The following NCKAP5 variants were observed in gnomAD, a reference collection of about 807,000 sequenced individuals.
NCKAP5 encodes nck-associated protein 5.
A neutral mutation model predicts 167.0 loss-of-function variants in NCKAP5; 92 were observed. The observed-to-expected ratio is 0.55, with a 90% CI of 0.47 to 0.66. The LOEUF (loss-of-function observed/expected upper bound fraction) is 0.66, where lower values mean the gene tolerates loss of function less well. Among genes scored for constraint, NCKAP5 ranks in the 30% least tolerant of loss-of-function variants. NCKAP5 has a pLI of 0.00. For missense variants in NCKAP5, 2,378 were observed against 2,315.0 expected (o/e 1.03, Z -0.56); for synonymous variants, 891 against 877.4 (o/e 1.02, Z -0.27).
chr2:133,464,254 G>T (rs1003011323), intron 3 of NCKAP5, among the ~76,000 whole-genome samples: 2 of 152,114 alleles, frequency 1.3e-5, no homozygotes, highest in Non-Finnish European at 2.9e-5. Flanking sequence ...ATTAAATCAA[G>T]AACTTTTACC....
chr2:133,011,007 A>G (rs2078139742), intron 6 of NCKAP5, among the ~76,000 whole-genome samples: 1 of 152,220 alleles, frequency 6.6e-6, no homozygotes. Context: ...GTATAAAATA[A>G]AAAATAAGGA....
Position 133,362,446 on chromosome 2 carries a change from A to G in NCKAP5, c.70-59336T>C, listed in dbSNP as rs116815694. 7.2e-3 allele frequency among the ~76,000 whole-genome samples: 1,089 copies of G among 152,286 alleles called. 15 individuals are homozygous for G. Among genetic ancestry groups the G allele is most frequent in the African/African-American group, 0.023 (954 of 41,546 alleles). On this transcript the variant is annotated intron_variant, in intron 3 of 19. Transcript: ENST00000409261. ...GAGGGGCCCCATATTAAGAACAGAA[A>G]AATGTGTTTGTTTGTTTTTAGAACA...
rs141885107 is a variant in NCKAP5 at position 133,419,976 on chromosome 2, A to T, written c.69+97482T>A. Among the ~76,000 whole-genome samples the T allele has an allele frequency of 4.3e-3, 651 of 152,318 alleles. 4 individuals are homozygous for T. Among genetic ancestry groups the T allele is most frequent in the Middle Eastern group, 0.017 (5 of 294 alleles). On this transcript the variant is annotated intron_variant, in intron 3 of 19. Transcript: ENST00000409261. ...AACATTGCTGAAGACCCACTTTTGT[A>T]TTCCAGTATTCTGAAGGAAAGTGAT...
chr2:132,783,133 T>C lies in NCKAP5; in HGVS notation c.3678A>G (p.Glu1226=). ...QGSLADGLPL[E]TALQEPLESS... ...TTTCCAATGGCTCTTGTAGTGCTGT[T>C]TCCAGGGGAAGCCCATCAGCTAAAC... The change falls in exon 14 of 20, where the codon GAA becomes GAG. Residue 1226 remains glutamate, a synonymous_variant. Transcript: ENST00000409261. The C allele has an allele frequency of 6.2e-7, 1 of 1,613,652 alleles. No individual in the cohort carries two copies. Among genetic ancestry groups the C allele is most frequent in the Non-Finnish European group, 8.5e-7 (1 of 1,179,758 alleles).
intron 3 of NCKAP5, among the ~76,000 whole-genome samples, chr2:133,421,792 T>C (rs1211895951): frequency 6.6e-6 from 1 of 152,216 alleles, no homozygotes; most frequent in Non-Finnish European, 1.5e-5. Context: ...TTCCTCTTTC[T>C]GAACAGGGCC....
chr2:133,357,149 A>G (rs921564004), intron 3 of NCKAP5, among the ~76,000 whole-genome samples: 12 of 152,206 alleles, frequency 7.9e-5, no homozygotes, highest in African/African-American at 2.9e-4. Context: ...GTGGGCCCTC[A>G]AAAATATTTG....
intron 3 of NCKAP5, among the ~76,000 whole-genome samples, chr2:133,319,363 T>TCG: frequency 6.6e-6 from 1 of 152,194 alleles, no homozygotes; most frequent in East Asian, 1.9e-4. Flanking sequence ...TGCCCTGCTG[T>TCG]GAAGCCTATG....
intron 4 of NCKAP5, among the ~76,000 whole-genome samples, chr2:133,229,797 C>T (rs898994220): frequency 1.3e-5 from 2 of 151,926 alleles, no homozygotes; most frequent in African/African-American, 2.4e-5. Flanking sequence ...TTCAGTAATC[C>T]GGACACACAC....
rs776162189 is a variant in NCKAP5, at chr2:132,731,803, C to T, written c.5377G>A (p.Asp1793Asn). 8.1e-6 allele frequency: 13 copies of T among 1,613,722 alleles called. No homozygotes were observed. The highest frequency in any genetic ancestry group is 7.7e-5 in the South Asian group (7 of 91,060). The change falls in exon 17 of 20, where the codon GAC (aspartate) becomes AAC (asparagine). Residue 1793 changes from aspartate (D) to asparagine (N), a missense_variant. Transcript: ENST00000409261. ...ATCCCTCTGGCGGTCATGATGGGGT[C>T]GGATGTGGAATGAACAATGGCGCTA... ...ADSAIVHSTS[D>N]PIMTARGMRP...
chr2:132,939,827 CT>C (rs1301665474), intron 8 of NCKAP5, among the ~76,000 whole-genome samples: 4 of 152,162 alleles, frequency 2.6e-5, no homozygotes, highest in Admixed American at 2.6e-4. Context: ...TGGTGAAATC[CT>C]GTCTCTACTA....
intron 3 of NCKAP5, among the ~76,000 whole-genome samples, chr2:133,360,128 C>T (rs1025216098): frequency 2.0e-5 from 3 of 152,116 alleles, no homozygotes; most frequent in African/African-American, 7.2e-5. Context: ...TCTCCTTTAG[C>T]CCCCAGGTCA....
chr2:133,224,822 T>A (rs2086810360), intron 4 of NCKAP5, among the ~76,000 whole-genome samples: 1 of 152,198 alleles, frequency 6.6e-6, no homozygotes, highest in African/African-American at 2.4e-5. Flanking sequence ...TAATCTTAAC[T>A]CTTGCAATTA....
At chr2:133,387,674 G>A (rs1037677116) in intron 3 of NCKAP5, among the ~76,000 whole-genome samples, 1 of 152,298 alleles carries the variant, frequency 6.6e-6, no homozygotes, top group South Asian at 2.1e-4. Context: ...TCACTTTCAG[G>A]TATACCAGTC....
At chr2:133,092,327 A>G (rs1396617690) in intron 6 of NCKAP5, among the ~76,000 whole-genome samples, 1 of 152,216 alleles carries the variant, frequency 6.6e-6, no homozygotes, top group Non-Finnish European at 1.5e-5. Context: ...AAACCAAGGC[A>G]GAAGTTGGAG....
At chr2:133,585,626 TA>T in the NCKAP5 span, among the ~76,000 whole-genome samples, 1 of 152,262 alleles carries the variant, frequency 6.6e-6, no homozygotes, top group Non-Finnish European at 1.5e-5. Context: ...GTTAATGATA[TA>T]AAATTACAAT....
intron 3 of NCKAP5, among the ~76,000 whole-genome samples, chr2:133,476,329 A>G (rs1055179879): frequency 5.3e-5 from 8 of 152,374 alleles, no homozygotes; most frequent in Admixed American, 2.0e-4. Flanking sequence ...AGGAAAAAAC[A>G]CTTTAAGATA....
At chr2:133,093,696 T>A (rs1399165772) in intron 6 of NCKAP5, among the ~76,000 whole-genome samples, 3 of 152,132 alleles carry the variant, frequency 2.0e-5, no homozygotes, top group Non-Finnish European at 2.9e-5. Flanking sequence ...CTGGTCAGAG[T>A]GGACAGGACA....
chr2:132,958,931 A>G (rs59763558), intron 8 of NCKAP5, among the ~76,000 whole-genome samples: 1 of 151,496 alleles, frequency 6.6e-6, no homozygotes, highest in African/African-American at 2.4e-5. Context: ...ATTTAAGTAT[A>G]TGCTTCCTGT....
At position 133,066,634 on chromosome 2, in the gene NCKAP5, C is replaced by G. The variant is rs1033797573; in HGVS notation, c.341+63344G>C. Among the ~76,000 whole-genome samples, 4 of 152,150 alleles carry G rather than the reference C, an allele frequency of 2.6e-5. No individual in the cohort carries two copies. The East Asian group carries it at 7.7e-4, about 29-fold the overall frequency. On this transcript the variant is annotated intron_variant, in intron 6 of 19. Coordinates refer to ENST00000409261, the MANE Select transcript of NCKAP5 (RefSeq NM_207363.3). ...CCATTACACAGAATAAAAGCAAACT[C>G]GTTTCCCATACAATGAATAGGAAAT...
Sources: gnomAD v4.1 joint callset for allele counts (sites outside exome capture counted in the v4.1 genomes callset) on GRCh38, gnomAD v4.1.1 for gene constraint, MANE v1.5 for transcripts, NCBI Gene and HGNC (gene_info 2026-07-23, HGNC 2026-07-21) for gene names.